RELL1: variants seen among roughly 807,000 people sequenced by gnomAD.
RELL1 encodes the protein RELT like 1, also known as RELT-like protein 1.
In RELL1, 10 loss-of-function variants were observed where a neutral mutation model predicts 23.0. That is an observed-to-expected ratio of 0.43 (90% confidence interval 0.27 to 0.74). RELL1 has a LOEUF of 0.74. Ranked by LOEUF, RELL1 falls within the 30% of genes least tolerant of loss-of-function variation. The pLI is 0.19. For synonymous variants in RELL1, 146 were observed against 146.8 expected (o/e 0.99, Z 0.04); for missense variants, 315 against 364.4 (o/e 0.86, Z 1.10).
At position 37,635,061 on chromosome 4, in the gene RELL1, C is replaced by G; in HGVS notation, c.506G>C (p.Gly169Ala). ...GCCACAGACGTGCTTCCCTGGCGTCCCCCCTGGTGACAAAGGCCCAGGACT... is the reference window on the plus strand; with the variant it reads ...GCCACAGACGTGCTTCCCTGGCGTCGCCCCTGGTGACAAAGGCCCAGGACT... ...PVSPGPLSPG[G>A]TPGKHVCGHH... Residue 169 changes from glycine (G) to alanine (A), a missense_variant, in exon 5 of 7, where the codon GGG becomes GCG. Coordinates refer to ENST00000454158, the MANE Select transcript of RELL1 (RefSeq NM_001085400.2). 1 of 1,614,208 alleles carries G rather than the reference C, an allele frequency of 6.2e-7. No individual in the cohort carries two copies. The highest frequency in any genetic ancestry group is 8.5e-7 in the Non-Finnish European group (1 of 1,180,042).
intron 6 of RELL1, among the ~76,000 whole-genome samples, chr4:37,603,268 C>G (rs1003203142): frequency 3.9e-5 from 6 of 152,276 alleles, no homozygotes; most frequent in African/African-American, 1.2e-4. Context: ...CACACCACCC[C>G]CTGGCCACGC....
rs147084440 is a variant in RELL1 at position 37,666,853 on chromosome 4, G to A, written c.89-17353C>T. ...AGAACTACAAAAGTCCTAAACGAAG[G>A]GTTTTCCAATTAGTCACAGGTTAGG... On this transcript the variant is annotated intron_variant, in intron 1 of 6. Coordinates refer to ENST00000454158, the MANE Select transcript of RELL1 (RefSeq NM_001085400.2). Among the ~76,000 whole-genome samples, 516 of 152,308 alleles carry A rather than the reference G, an allele frequency of 3.4e-3. 1 individual carries two copies. The highest frequency in any genetic ancestry group is 0.011 in the Admixed American group (172 of 15,302).
At chr4:37,647,057 A>G (rs1341687169) in intron 3 of RELL1, among the ~76,000 whole-genome samples, 1 of 152,206 alleles carries the variant, frequency 6.6e-6, no homozygotes, top group Non-Finnish European at 1.5e-5. Context: ...TTTTACAGGA[A>G]GAAACTCTAC....
At chr4:37,668,362 C>G (rs549859164) in intron 1 of RELL1, among the ~76,000 whole-genome samples, 1 of 152,300 alleles carries the variant, frequency 6.6e-6, no homozygotes, top group East Asian at 1.9e-4. Context: ...ATTGTAGGCC[C>G]GCGCCGCCAC....
chr4:37,604,810 G>GACACACACACAC, intron 6 of RELL1, among the ~76,000 whole-genome samples: 1 of 73,598 alleles, frequency 1.4e-5, no homozygotes. Context: ...CACACACACA[G>GACACACACACAC]ACACACACAC....
At chr4:37,686,129 C>A (rs1054189082) in intron 1 of RELL1, 71 bp downstream of exon 1, 480 of 1,315,064 alleles carry the variant, frequency 3.7e-4, no homozygotes, top group Non-Finnish European at 4.8e-4. Flanking sequence ...GCCGTCCCGA[C>A]CCCTCGCTTC....
intron 1 of RELL1, among the ~76,000 whole-genome samples, chr4:37,660,499 A>T (rs940367051): frequency 6.6e-6 from 1 of 152,170 alleles, no homozygotes; most frequent in Non-Finnish European, 1.5e-5. Flanking sequence ...TGACAAATTC[A>T]TCTGGTAGCA....
rs1454697090 is a variant in RELL1, at chr4:37,631,499, G to C, written c.705C>G (p.His235Gln). The change falls in exon 6 of 7, where the codon CAC becomes CAG. Residue 235 changes from histidine (H) to glutamine (Q), a missense_variant. Physicochemically the swap from His to Gln is conservative, Grantham distance 24 (BLOSUM62 0). Transcript: ENST00000454158. ...VGRFRVTKVE[H>Q]KSNQKERRSL... ...TTCTCCGTTCCTTCTGGTTTGACTT[G>C]TGCTCCACTTTTGTAACTCTAAATC... 1 of 1,613,958 alleles carries C rather than the reference G, an allele frequency of 6.2e-7. No homozygotes were observed. The highest frequency in any genetic ancestry group is 1.7e-5 in the Admixed American group (1 of 59,996).
intron 1 of RELL1, among the ~76,000 whole-genome samples, chr4:37,651,262 C>T (rs1261632135): frequency 5.3e-5 from 8 of 151,988 alleles, no homozygotes; most frequent in Admixed American, 3.3e-4. Context: ...TCAGGAAGAA[C>T]ATACCGTGTA....
chr4:37,613,236 G>A lies in RELL1; in HGVS notation c.*110C>T, dbSNP rs1484678035. ...ATATTCCCTTTTAGGTTTTATCCAC[G>A]TGCCTGCTGACTCCATGATAGAAAC... On this transcript the variant is annotated 3_prime_UTR_variant, in exon 7 of 7. Transcript: ENST00000454158. The A allele has an allele frequency of 3.9e-5, 6 of 152,212 alleles. No homozygotes were observed. Among genetic ancestry groups the A allele is most frequent in the Middle Eastern group, 3.4e-3 (1 of 294 alleles). The allele number at this position is 152,212 out of a possible 1,614,324, so 9.4% of individuals were successfully genotyped here.
intron 6 of RELL1, among the ~76,000 whole-genome samples, chr4:37,601,381 G>A (rs1444890536): frequency 6.6e-6 from 1 of 152,154 alleles, no homozygotes; most frequent in Non-Finnish European, 1.5e-5. Context: ...TGCCTGGCCT[G>A]TACTAAGTGC....
At position 37,668,031 on chromosome 4, in the gene RELL1, G is replaced by GA. The variant is rs887962039; in HGVS notation, c.88+18168dup. ...GCTTAAATGGTCCCAGTTTTTATAA[G>GA]AAAAAAAAAGACATCAAAATGTTAT... On this transcript the variant is annotated intron_variant, in intron 1 of 6. Transcript: ENST00000454158. 6.7e-5 allele frequency among the ~76,000 whole-genome samples: 10 copies of GA among 149,666 alleles called. No individual in the cohort carries two copies. In the East Asian group the frequency reaches 7.8e-4, roughly 12 times the overall value.
intron 3 of RELL1, among the ~76,000 whole-genome samples, chr4:37,638,717 G>A (rs1012162946): frequency 1.3e-5 from 2 of 152,056 alleles, no homozygotes; most frequent in Admixed American, 6.6e-5. Context: ...TAGTAAGAAT[G>A]ACAAAGAATC....
In RELL1 at chr4:37,626,937, C is replaced by G. The variant is rs114491043; in HGVS notation, c.*3+4448G>C. On this transcript the variant is annotated intron_variant, in intron 6 of 6. Transcript: ENST00000454158. ...TTTAGTTAGAGGGGATAAATAATTT[C>G]AAGAGATCTATTGTACAACATGGTG... is the stretch of plus-strand genomic sequence containing the variant. 7.4e-3 allele frequency among the ~76,000 whole-genome samples: 1,129 copies of G among 152,166 alleles called. 14 individuals are homozygous for G. The highest frequency in any genetic ancestry group is 0.025 in the African/African-American group (1,057 of 41,508).
intron 3 of RELL1, among the ~76,000 whole-genome samples, chr4:37,645,224 G>A (rs1472830717): frequency 3.3e-5 from 5 of 152,136 alleles, no homozygotes; most frequent in Non-Finnish European, 7.4e-5. Context: ...TTAGAAGCCC[G>A]GGTCCCAAAG....
intron 3 of RELL1, among the ~76,000 whole-genome samples, chr4:37,641,994 A>T (rs1366693257): frequency 2.0e-5 from 3 of 152,194 alleles, no homozygotes; most frequent in African/African-American, 7.2e-5. Context: ...CTAGAGAGTG[A>T]CAGGCTTGGA....
chr4:37,602,496 C>T (rs1217532226), intron 6 of RELL1, among the ~76,000 whole-genome samples: 2 of 152,002 alleles, frequency 1.3e-5, no homozygotes, highest in African/African-American at 4.8e-5. Flanking sequence ...CTCAGTTCCA[C>T]AGCAAGCAAC....
chr4:37,638,491 G>A lies in RELL1; in HGVS notation c.399C>T (p.Val133=), dbSNP rs760858999. 2.5e-6 allele frequency: 4 copies of A among 1,611,748 alleles called. No homozygotes were observed. The South Asian group carries it at 4.4e-5, about 18-fold the overall frequency. The part of the protein sequence containing the change: ...YIMKNEANAD[V]LKAMVADNSL... ...TGTTATCTGCTACCATCGCCTTTAA[G>A]ACATCAGCATTCGCTAAGGAATAAA... The change falls in exon 4 of 7, where the codon GTC becomes GTT. Residue 133 remains valine, a synonymous_variant. Transcript: ENST00000454158.
intron 6 of RELL1, among the ~76,000 whole-genome samples, chr4:37,604,912 C>CAT (rs1719143874): frequency 3.3e-4 from 16 of 47,826 alleles, no homozygotes; most frequent in African/African-American, 9.0e-4. Flanking sequence ...CACACACACA[C>CAT]ACACACAGAC....
Sources: gnomAD v4.1 joint callset for allele counts (sites outside exome capture counted in the v4.1 genomes callset) on GRCh38, gnomAD v4.1.1 for gene constraint, MANE v1.5 for transcripts, NCBI Gene and HGNC (gene_info 2026-07-23, HGNC 2026-07-21) for gene names.